The following TMC2 variants were observed in gnomAD, a reference collection of about 807,000 sequenced individuals.
TMC2 encodes the protein transmembrane channel like 2, also known as transmembrane channel-like protein 2.
TMC2 carries 102 observed loss-of-function variants against 105.9 expected under a neutral mutation model. The ratio of observed to expected loss-of-function variants is 0.96; its 90% CI spans 0.82 to 1.14. The LOEUF (loss-of-function observed/expected upper bound fraction) is 1.14, where lower values mean the gene tolerates loss of function less well. TMC2 is among the 50% of genes most tolerant of loss of function. The probability of loss-of-function intolerance (pLI) is 0.00; values close to 1 mark genes in which losing one functional copy is unlikely to be tolerated. For missense variants in TMC2, 1,093 were observed against 1,134.3 expected (o/e 0.96, Z 0.52); for synonymous variants, 402 against 422.8 (o/e 0.95, Z 0.60).
At chr20:2,623,972 C>T (rs2086545523) in intron 16 of TMC2, among the ~76,000 whole-genome samples, 1 of 150,708 alleles carries the variant, frequency 6.6e-6, no homozygotes, top group African/African-American at 2.5e-5. Flanking sequence ...TGAGGAAAAC[C>T]ATTTTTTTCT....
rs759761533 is a variant in TMC2, at chr20:2,558,687, C to T, written c.314C>T (p.Ala105Val). The T allele has an allele frequency of 3.1e-6, 5 of 1,602,860 alleles. No individual in the cohort carries two copies. The highest frequency in any genetic ancestry group is 4.3e-6 in the Non-Finnish European group (5 of 1,174,824). Residue 105 changes from alanine (A) to valine (V), a missense_variant, in exon 3 of 20, where the codon GCC becomes GTC. Coordinates refer to ENST00000358864, the MANE Select transcript of TMC2 (RefSeq NM_080751.3). The surrounding 1 kb of genome is among the most constrained non-coding windows in gnomAD (Gnocchi z 4.6). ...GGCAGGAGAAAGCGCGACGAGAGGGCCTCCTTCCAGGAGCGGACAGCAGCC... is the reference window on the plus strand; with the variant it reads ...GGCAGGAGAAAGCGCGACGAGAGGGTCTCCTTCCAGGAGCGGACAGCAGCC... Reference protein sequence around the residue: ...CEGRRKRDERASFQERTAAPK... With the variant: ...CEGRRKRDERVSFQERTAAPK...
chr20:2,547,588 C>A (rs1600095668), intron 2 of TMC2, among the ~76,000 whole-genome samples: 1 of 152,136 alleles, frequency 6.6e-6, no homozygotes, highest in Non-Finnish European at 1.5e-5. Flanking sequence ...GTCTCTGTGG[C>A]CTTCTAGGAG....
intron 5 of TMC2, among the ~76,000 whole-genome samples, 170 bp downstream of exon 5, chr20:2,572,439 G>A (rs557413409): frequency 5.9e-5 from 9 of 152,288 alleles, no homozygotes; most frequent in Admixed American, 3.9e-4. Flanking sequence ...GAAACCAATC[G>A]TATCCTGCCA....
intron 10 of TMC2, among the ~76,000 whole-genome samples, chr20:2,600,195 C>G (rs904015072): frequency 4.6e-5 from 7 of 152,108 alleles, no homozygotes; most frequent in Admixed American, 6.5e-5. Flanking sequence ...AAAATGACTT[C>G]TTTTGTAAGT....
intron 16 of TMC2, among the ~76,000 whole-genome samples, chr20:2,622,900 C>A (rs962091730): frequency 6.6e-6 from 1 of 151,910 alleles, no homozygotes; most frequent in Non-Finnish European, 1.5e-5. Flanking sequence ...GAGATAAATA[C>A]AATTATTATA....
chr20:2,563,074 C>T (rs1196253491), intron 4 of TMC2, among the ~76,000 whole-genome samples: 1 of 152,096 alleles, frequency 6.6e-6, no homozygotes, highest in Non-Finnish European at 1.5e-5. Context: ...TTTGCCACAG[C>T]GTTGGGAGTG....
chr20:2,641,572 A>C lies in TMC2; in HGVS notation c.*221A>C, dbSNP rs75427817. 8,961 of 546,686 alleles carry C rather than the reference A, an allele frequency of 0.016. 571 individuals are homozygous for C. The highest frequency in any genetic ancestry group is 0.14 in the African/African-American group (7,626 of 53,092). 33.9% of individuals were successfully genotyped at this position (546,686 alleles called of 1,614,324 possible). On this transcript the variant is annotated 3_prime_UTR_variant, in exon 20 of 20. Coordinates refer to ENST00000358864, the MANE Select transcript of TMC2 (RefSeq NM_080751.3). ...TTAGGGAAGCTGGAGCCATCTCTGC[A>C]CTAACTGCCCTCCCAAATATCTTGG... is the stretch of plus-strand genomic sequence containing the variant.
rs1474716947 is a variant in TMC2, at chr20:2,601,943, CAT to C, written c.1225-167_1225-166del. 3.9e-5 allele frequency among the ~76,000 whole-genome samples: 6 copies of C among 152,188 alleles called. No homozygotes were observed. In the East Asian group the frequency reaches 1.2e-3, roughly 29 times the overall value. ...GTACTGGAATAGCAATAACAACAAA[CAT>C]ATTTTTCTAAAGAAAATAATTATCC... On this transcript the variant is annotated intron_variant, in intron 10 of 19. Coordinates refer to ENST00000358864, the MANE Select transcript of TMC2 (RefSeq NM_080751.3).
rs748328664 is a variant in TMC2 at position 2,598,933 on chromosome 20, C to CA, written c.1224+1643dup. 5.3e-4 allele frequency among the ~76,000 whole-genome samples: 80 copies of CA among 151,176 alleles called. 2 individuals are homozygous for CA. The highest frequency in any genetic ancestry group is 2.3e-3 in the Admixed American group (35 of 15,180). The stretch of plus-strand genomic sequence containing the variant: ...AGAAAGTTTCCTGTGTGTACATGTC[C>CA]AAAAAAAAGGTACAACAAAGCAGAA... On this transcript the variant is annotated intron_variant, in intron 10 of 19. Coordinates refer to ENST00000358864, the MANE Select transcript of TMC2 (RefSeq NM_080751.3).
chr20:2,566,860 C>T (rs1474321755), intron 4 of TMC2, among the ~76,000 whole-genome samples: 3 of 152,128 alleles, frequency 2.0e-5, no homozygotes, highest in Non-Finnish European at 4.4e-5. Context: ...AAAAAAATGC[C>T]CCAAGAAAAA....
intron 5 of TMC2, among the ~76,000 whole-genome samples, chr20:2,576,032 C>T (rs988957703): frequency 1.3e-5 from 2 of 152,122 alleles, no homozygotes; most frequent in African/African-American, 4.8e-5. Context: ...AAATGTTTTC[C>T]ACAAATATCA....
At chr20:2,587,225 C>T (rs2086237532) in intron 7 of TMC2, among the ~76,000 whole-genome samples, 1 of 152,074 alleles carries the variant, frequency 6.6e-6, no homozygotes, top group African/African-American at 2.4e-5. Flanking sequence ...GTCTTCTTCT[C>T]ATTGTAATTA....
Position 2,641,312 on chromosome 20 carries a change from G to A in TMC2, c.2682G>A (p.Arg894=), listed in dbSNP as rs781104307. 6.8e-6 allele frequency: 11 copies of A among 1,614,012 alleles called. No homozygotes were observed. The Middle Eastern group carries it at 4.9e-4, about 72-fold the overall frequency. ...GHAPSQTHPW[R]SASGKSAQRP... ...CCCCATCTCAGACTCATCCGTGGAG[G>A]TCAGCCTCTGGAAAGAGTGCTCAGA... The change falls in exon 20 of 20, where the codon AGG becomes AGA. Residue 894 remains arginine (R), a synonymous_variant. Coordinates refer to ENST00000358864, the MANE Select transcript of TMC2 (RefSeq NM_080751.3).
At chr20:2,629,922 G>A (rs2086591448) in intron 17 of TMC2, among the ~76,000 whole-genome samples, 1 of 152,164 alleles carries the variant, frequency 6.6e-6, no homozygotes, top group Non-Finnish European at 1.5e-5. Flanking sequence ...GAAAAAGACA[G>A]AATTTACTTG....
At chr20:2,565,439 C>T (rs1486368216) in intron 4 of TMC2, among the ~76,000 whole-genome samples, 2 of 152,142 alleles carry the variant, frequency 1.3e-5, no homozygotes, top group Non-Finnish European at 2.9e-5. Context: ...GACAAGGTCT[C>T]GCTATGTTGC....
At chr20:2,624,153 C>A in intron 16 of TMC2, 118 bp from the exon 17 acceptor site, 1 of 1,141,782 alleles carries the variant, frequency 8.8e-7, no homozygotes. Flanking sequence ...AGCTCTGGTT[C>A]TTCCAGGAAA....
rs111441912 is a variant in TMC2 at position 2,589,272 on chromosome 20, G to T, written c.835-3038G>T. Among the ~76,000 whole-genome samples the T allele has an allele frequency of 6.8e-4, 76 of 111,936 alleles. 1 individual carries two copies. Among genetic ancestry groups the T allele is most frequent in the African/African-American group, 2.7e-3 (65 of 23,776 alleles). 73.4% of individuals were successfully genotyped at this position (111,936 alleles called of 152,430 possible). ...TTCCAGATATCTTCCTATTTGCCCTGTGTGTGTGTGTGTGTGTGTGTGTGT... is the reference window on the plus strand; with the variant it reads ...TTCCAGATATCTTCCTATTTGCCCTTTGTGTGTGTGTGTGTGTGTGTGTGT... On this transcript the variant is annotated intron_variant, in intron 7 of 19. Transcript: ENST00000358864.
At chr20:2,639,520 G>A (rs559701234) in intron 19 of TMC2, among the ~76,000 whole-genome samples, 1 of 152,344 alleles carries the variant, frequency 6.6e-6, no homozygotes, top group East Asian at 1.9e-4. Flanking sequence ...TATAGCCTAT[G>A]TGTATAACAG....
chr20:2,642,941 T>C lies in TMC2; in HGVS notation c.*1590T>C, dbSNP rs1047797543. Reference sequence around the variant, plus strand: ...AGACTCAGAAAGTCAGGCAAAGCCCTGGCAGAGAGACGAAGATTTTTACAG... The same window carrying C: ...AGACTCAGAAAGTCAGGCAAAGCCCCGGCAGAGAGACGAAGATTTTTACAG... On this transcript the variant is annotated 3_prime_UTR_variant, in exon 20 of 20. Transcript: ENST00000358864. Among the ~76,000 whole-genome samples, 9 of 152,178 alleles carry C rather than the reference T, an allele frequency of 5.9e-5. No homozygotes were observed. Among genetic ancestry groups the C allele is most frequent in the Admixed American group, 3.3e-4 (5 of 15,284 alleles).
Sources: allele counts gnomAD v4.1 joint callset (sites outside exome capture counted in the v4.1 genomes callset), GRCh38; gene constraint gnomAD v4.1.1; non-coding constraint Gnocchi (gnomAD v3.1); transcripts MANE v1.5; gene names NCBI Gene and HGNC (gene_info 2026-07-23, HGNC 2026-07-21).